IL1RAPL2: variants seen among roughly 807,000 people sequenced by gnomAD.
The protein encoded by IL1RAPL2 is interleukin 1 receptor accessory protein like 2, also known as X-linked interleukin-1 receptor accessory protein-like 2.
In IL1RAPL2, 3 loss-of-function variants were observed where a neutral mutation model predicts 44.1. The ratio of observed to expected loss-of-function variants is 0.07; its 90% confidence interval spans 0.03 to 0.18. The LOEUF is 0.18. IL1RAPL2 is among the 10% of genes least tolerant of loss of function. The probability of loss-of-function intolerance (pLI) is 1.00; values close to 1 mark genes in which losing one functional copy is unlikely to be tolerated. For synonymous variants in IL1RAPL2, 181 were observed against 178.8 expected, an observed-to-expected ratio of 1.01 and a Z score of -0.10; for missense variants, 391 against 496.4, an observed-to-expected ratio of 0.79 and a Z score of 2.02.
At chrX:105,218,861 T>A in intron 3 of IL1RAPL2, 7 of 730,638 alleles carry the variant, frequency 9.6e-6, no homozygotes, top group East Asian at 3.3e-5. Context: ...CTTCCCAGCC[T>A]TCTTCCCCTA....
intron 5 of IL1RAPL2, among the ~76,000 whole-genome samples, chrX:105,285,631 G>T (rs1020677128): frequency 1.8e-5 from 2 of 111,826 alleles, no homozygotes; most frequent in African/African-American, 6.5e-5. Flanking sequence ...CAGCTTGGCA[G>T]TAACTAAGTT....
intron 2 of IL1RAPL2, among the ~76,000 whole-genome samples, chrX:104,899,323 T>C (rs1297096488): frequency 8.9e-6 from 1 of 112,327 alleles, no homozygotes; most frequent in African/African-American, 3.2e-5. Flanking sequence ...TTGAGTGACA[T>C]ACATGCTATA....
At chrX:105,305,009 G>A (rs1239430777) in intron 5 of IL1RAPL2, among the ~76,000 whole-genome samples, 5 of 111,264 alleles carry the variant, frequency 4.5e-5, no homozygotes, top group Non-Finnish European at 9.4e-5. Context: ...CAGGAGGAAA[G>A]GGGGAGGGAA....
chrX:105,178,863 T>A (rs767459713), intron 2 of IL1RAPL2, among the ~76,000 whole-genome samples: 4 of 112,004 alleles, frequency 3.6e-5, no homozygotes, highest in African/African-American at 9.7e-5. Context: ...TACTGAGTTG[T>A]TTGAGTTCCT....
At chrX:104,944,190 A>G (rs779052309) in intron 2 of IL1RAPL2, among the ~76,000 whole-genome samples, 17 of 111,886 alleles carry the variant, frequency 1.5e-4, no homozygotes, top group South Asian at 3.7e-4. Context: ...AGTACTCTTT[A>G]TCACTTTCTA....
chrX:104,667,079 G>C (rs983962325), intron 2 of IL1RAPL2, among the ~76,000 whole-genome samples: 3 of 110,989 alleles, frequency 2.7e-5, no homozygotes, highest in African/African-American at 9.8e-5. Context: ...GCCTCTCTCT[G>C]TGGGTGTGAG....
intron 3 of IL1RAPL2, chrX:105,220,521 C>T (rs1728658717): frequency 3.7e-5 from 25 of 668,233 alleles, no homozygotes; most frequent in Non-Finnish European, 5.1e-5. Context: ...CCGCCCTACC[C>T]GCTCTGACAA....
intron 2 of IL1RAPL2, among the ~76,000 whole-genome samples, chrX:105,079,352 A>G (rs952299273): frequency 9.1e-6 from 1 of 109,320 alleles, no homozygotes; most frequent in Non-Finnish European, 1.9e-5. Flanking sequence ...TCATTCTACT[A>G]TAAAGACAGA....
intron 2 of IL1RAPL2, among the ~76,000 whole-genome samples, chrX:105,044,465 A>G (rs756602150): frequency 9.0e-6 from 1 of 110,800 alleles, no homozygotes; most frequent in South Asian, 3.9e-4. Flanking sequence ...GGTAACAAAA[A>G]TTTGGAAGCT....
chrX:105,563,498 G>A (rs1447483079), intron 6 of IL1RAPL2, among the ~76,000 whole-genome samples: 2 of 111,806 alleles, frequency 1.8e-5, no homozygotes, highest in African/African-American at 6.5e-5. Context: ...TAGAAAGGGG[G>A]ATGAAATGAC....
In IL1RAPL2 at chrX:105,642,069, G is replaced by A. The variant is rs750471496; in HGVS notation, c.773-75298G>A. Reference sequence around the variant, plus strand: ...TAGGGATCCCTACTGACGAAGAAGGGCAAAACGTGTTACCAGATCTCTACT... The same window carrying A: ...TAGGGATCCCTACTGACGAAGAAGGACAAAACGTGTTACCAGATCTCTACT... On this transcript the variant is annotated intron_variant, in intron 6 of 10. Coordinates refer to ENST00000372582, the MANE Select transcript of IL1RAPL2 (RefSeq NM_017416.2). Among the ~76,000 whole-genome samples the A allele has an allele frequency of 4.5e-5, 5 of 110,764 alleles. No homozygotes were observed. The East Asian group carries it at 1.4e-3, about 32-fold the overall frequency.
chrX:104,897,750 A>G (rs776953986), intron 2 of IL1RAPL2, among the ~76,000 whole-genome samples: 46 of 112,283 alleles, frequency 4.1e-4, no homozygotes, highest in African/African-American at 1.5e-3. Flanking sequence ...AACACCAGGC[A>G]TTATAGTGCC....
chrX:104,925,930 A>T (rs1924763115), intron 2 of IL1RAPL2, among the ~76,000 whole-genome samples: 1 of 112,238 alleles, frequency 8.9e-6, no homozygotes, highest in Non-Finnish European at 1.9e-5. Context: ...AGATAACATG[A>T]TTCTGTATCT....
chrX:105,286,348 A>G (rs1174826827), intron 5 of IL1RAPL2, among the ~76,000 whole-genome samples: 1 of 110,390 alleles, frequency 9.1e-6, no homozygotes, highest in Non-Finnish European at 1.9e-5. Context: ...ATTTGAGATG[A>G]CAGAGTAGAT....
intron 4 of IL1RAPL2, among the ~76,000 whole-genome samples, chrX:105,262,650 G>A (rs867911394): frequency 9.0e-6 from 1 of 111,089 alleles, no homozygotes; most frequent in Non-Finnish European, 1.9e-5. Flanking sequence ...TAATCAAAGT[G>A]TTTAGTCTAG....
At chrX:104,846,597 T>G (rs1179918789) in intron 2 of IL1RAPL2, among the ~76,000 whole-genome samples, 1 of 112,135 alleles carries the variant, frequency 8.9e-6, no homozygotes, top group Non-Finnish European at 1.9e-5. Context: ...AGTCTATCAT[T>G]GATGGACATT....
chrX:105,227,874 A>C (rs1556191305), intron 3 of IL1RAPL2, among the ~76,000 whole-genome samples: 1 of 112,112 alleles, frequency 8.9e-6, no homozygotes, highest in African/African-American at 3.2e-5. Context: ...TACATATGTA[A>C]TTTACCATCC....
At chrX:105,183,116 G>T (rs1360040328) in intron 2 of IL1RAPL2, among the ~76,000 whole-genome samples, 1 of 111,540 alleles carries the variant, frequency 9.0e-6, no homozygotes, top group Admixed American at 9.5e-5. Context: ...TCCCCCAGTG[G>T]TGCACATGGG....
intron 2 of IL1RAPL2, among the ~76,000 whole-genome samples, chrX:104,906,335 C>T (rs2147678216): frequency 9.1e-6 from 1 of 110,339 alleles, no homozygotes. Flanking sequence ...GAACTTCCAA[C>T]ACTATGTTGA....
Sources: allele counts gnomAD v4.1 joint callset (sites outside exome capture counted in the v4.1 genomes callset), GRCh38; gene constraint gnomAD v4.1.1; transcripts MANE v1.5; gene names NCBI Gene and HGNC (gene_info 2026-07-23, HGNC 2026-07-21).